The following GALNT13 variants were observed in gnomAD, a reference collection of about 807,000 sequenced individuals.
GALNT13 encodes polypeptide N-acetylgalactosaminyltransferase 13.
Under a neutral mutation model 64.2 loss-of-function variants are expected in GALNT13, and 28 were observed. That is an observed-to-expected ratio of 0.44 (90% confidence interval 0.32 to 0.60). GALNT13 has a LOEUF of 0.60. GALNT13 is among the 20% of genes least tolerant of loss of function. GALNT13 has a pLI of 0.05. For missense variants in GALNT13, 577 were observed against 669.8 expected, an observed-to-expected ratio of 0.86 and a Z score of 1.53; for synonymous variants, 214 against 224.6, an observed-to-expected ratio of 0.95 and a Z score of 0.42.
At chr2:154,023,407 G>A (rs147746610) in intron 3 of GALNT13, among the ~76,000 whole-genome samples, 2 of 152,214 alleles carry the variant, frequency 1.3e-5, no homozygotes, top group African/African-American at 4.8e-5. Flanking sequence ...ATTTAGGATA[G>A]TTAGCTCTTC....
At chr2:153,218,281 T>G in the GALNT13 span, among the ~76,000 whole-genome samples, 1 of 152,206 alleles carries the variant, frequency 6.6e-6, no homozygotes, top group Non-Finnish European at 1.5e-5. Context: ...AAATTCTCTG[T>G]TGTTCTGATG....
chr2:153,872,619 CGGGGGGGG>C lies in GALNT13; in HGVS notation c.-177+324_-177+331del, dbSNP rs1218155488. 2.5e-4 allele frequency among the ~76,000 whole-genome samples: 4 copies of C among 16,286 alleles called. 1 individual carries two copies. Among genetic ancestry groups the C allele is most frequent in the Non-Finnish European group, 5.8e-4 (4 of 6,850 alleles). The allele number at this position is 16,286 out of a possible 152,430, so 10.7% of individuals were successfully genotyped here. On this transcript the variant is annotated intron_variant, in intron 1 of 12. Transcript: ENST00000392825. ...GGCTACCCCGGTGAGTTGTTGGTGG[CGGGGGGGG>C]GGGGGGGAGCGGCTCTGGCCCCCTC...
the GALNT13 span, among the ~76,000 whole-genome samples, chr2:153,141,772 C>T: frequency 1.3e-5 from 2 of 152,004 alleles, no homozygotes. Flanking sequence ...TAGAAGTCAT[C>T]TAGCTATGCA....
At chr2:153,864,383 C>G in the GALNT13 span, among the ~76,000 whole-genome samples, 19 of 152,132 alleles carry the variant, frequency 1.2e-4, no homozygotes, top group Non-Finnish European at 2.5e-4. Context: ...AACTGTTCAT[C>G]AATAAATGGT....
intron 9 of GALNT13, among the ~76,000 whole-genome samples, chr2:154,388,587 T>G (rs914945440): frequency 6.6e-6 from 1 of 152,236 alleles, no homozygotes; most frequent in Non-Finnish European, 1.5e-5. Context: ...GAATAAGATC[T>G]AATTTCTTCT....
chr2:153,211,390 A>T, the GALNT13 span, among the ~76,000 whole-genome samples: 1 of 152,220 alleles, frequency 6.6e-6, no homozygotes, highest in Admixed American at 6.5e-5. Context: ...CAATCCACCC[A>T]TCTTGGCTTC....
intron 3 of GALNT13, among the ~76,000 whole-genome samples, chr2:154,008,575 C>T (rs1009869628): frequency 8.6e-5 from 13 of 151,964 alleles, no homozygotes; most frequent in Admixed American, 5.9e-4. Context: ...TTGATCCCCA[C>T]CTTCCTCCCA....
At chr2:153,598,828 A>G in the GALNT13 span, among the ~76,000 whole-genome samples, 2 of 152,066 alleles carry the variant, frequency 1.3e-5, no homozygotes, top group Non-Finnish European at 2.9e-5. Flanking sequence ...AGAGGGTTTT[A>G]TTCAATGATT....
intron 2 of GALNT13, among the ~76,000 whole-genome samples, chr2:153,901,695 C>T (rs1361496578): frequency 6.6e-6 from 1 of 152,064 alleles, no homozygotes; most frequent in Non-Finnish European, 1.5e-5. Context: ...TATTTTGTGA[C>T]TGAATTTCAA....
At chr2:153,097,368 T>A in the GALNT13 span, among the ~76,000 whole-genome samples, 1 of 152,152 alleles carries the variant, frequency 6.6e-6, no homozygotes, top group Non-Finnish European at 1.5e-5. Context: ...GTTTTGTACC[T>A]TCAGGTGATT....
chr2:153,636,037 G>T, the GALNT13 span, among the ~76,000 whole-genome samples: 3 of 152,098 alleles, frequency 2.0e-5, no homozygotes, highest in Non-Finnish European at 4.4e-5. Context: ...CGAACTCCAT[G>T]CATTTCTATT....
chr2:153,992,729 A>G (rs2105193746), intron 3 of GALNT13, among the ~76,000 whole-genome samples: 1 of 152,308 alleles, frequency 6.6e-6, no homozygotes, highest in East Asian at 1.9e-4. Flanking sequence ...TGTGAAAACA[A>G]TACCATGATA....
chr2:153,395,170 G>A, the GALNT13 span, among the ~76,000 whole-genome samples: 1 of 152,132 alleles, frequency 6.6e-6, no homozygotes, highest in East Asian at 1.9e-4. Context: ...ATCACAAAGT[G>A]ATTATCCCTT....
the GALNT13 span, among the ~76,000 whole-genome samples, chr2:153,633,329 G>A: frequency 1.2e-4 from 18 of 152,186 alleles, no homozygotes; most frequent in African/African-American, 4.1e-4. Context: ...CTTCTTAGAA[G>A]AAATAAATAT....
intron 3 of GALNT13, among the ~76,000 whole-genome samples, chr2:153,990,964 T>C (rs981937027): frequency 6.6e-6 from 1 of 152,154 alleles, no homozygotes; most frequent in East Asian, 1.9e-4. Context: ...TGACTTTCAT[T>C]TGGGATGGGT....
At chr2:153,213,815 AG>A in the GALNT13 span, among the ~76,000 whole-genome samples, 1 of 152,214 alleles carries the variant, frequency 6.6e-6, no homozygotes, top group South Asian at 2.1e-4. Flanking sequence ...GACAAATTGT[AG>A]GGCATTCACT....
chr2:154,336,064 A>G (rs1695427929), intron 9 of GALNT13, among the ~76,000 whole-genome samples: 1 of 152,096 alleles, frequency 6.6e-6, no homozygotes. Flanking sequence ...ACAGAATACC[A>G]AAAGACTGAA....
At chr2:153,122,319 A>G in the GALNT13 span, among the ~76,000 whole-genome samples, 1 of 152,080 alleles carries the variant, frequency 6.6e-6, no homozygotes, top group Non-Finnish European at 1.5e-5. Flanking sequence ...AATGGCATGA[A>G]CAAATTTTTG....
At chr2:153,613,688 T>C in the GALNT13 span, among the ~76,000 whole-genome samples, 1 of 152,162 alleles carries the variant, frequency 6.6e-6, no homozygotes, top group Non-Finnish European at 1.5e-5. Flanking sequence ...AGTGTTCTCA[T>C]TGTTTAATTC....
Sources: allele counts gnomAD v4.1 joint callset (sites outside exome capture counted in the v4.1 genomes callset), GRCh38; gene constraint gnomAD v4.1.1; transcripts MANE v1.5; gene names NCBI Gene and HGNC (gene_info 2026-07-23, HGNC 2026-07-21).